The following TRHDE variants were observed in gnomAD, a reference collection of about 807,000 sequenced individuals.
The protein encoded by TRHDE is thyrotropin releasing hormone degrading enzyme, also known as thyrotropin-releasing hormone-degrading ectoenzyme.
Under a neutral mutation model 125.7 loss-of-function variants are expected in TRHDE, and 72 were observed. The observed-to-expected ratio is 0.57, with a 90% CI of 0.47 to 0.70. The LOEUF is 0.70. TRHDE is among the 30% of genes least tolerant of loss of function. TRHDE has a pLI of 0.00. For synonymous variants in TRHDE, 509 were observed against 509.1 expected (o/e 1.00, Z 0.00); for missense variants, 1,110 against 1,327.1 (o/e 0.84, Z 2.54).
intron 5 of TRHDE, among the ~76,000 whole-genome samples, chr12:72,476,618 TAAAGA>T (rs1283383825): frequency 2.0e-5 from 3 of 151,954 alleles, no homozygotes; most frequent in Non-Finnish European, 4.4e-5. Context: ...ATGTCAGGAG[TAAAGA>T]AATTCAGGAA....
At chr12:72,429,546 G>A (rs1592437970) in intron 3 of TRHDE, among the ~76,000 whole-genome samples, 1 of 151,914 alleles carries the variant, frequency 6.6e-6, no homozygotes, top group Non-Finnish European at 1.5e-5. Flanking sequence ...TCTATGGCTA[G>A]GGGTGGAATT....
intron 12 of TRHDE, among the ~76,000 whole-genome samples, chr12:72,587,305 T>G (rs1871480145): frequency 1.3e-5 from 2 of 152,138 alleles, no homozygotes; most frequent in Admixed American, 1.3e-4. Context: ...ATTGGTAGAT[T>G]ATCAGTTTTT....
intron 15 of TRHDE, among the ~76,000 whole-genome samples, chr12:72,631,642 A>G (rs1284650610): frequency 6.6e-6 from 1 of 151,990 alleles, no homozygotes; most frequent in Non-Finnish European, 1.5e-5. Context: ...ATTTTTTAAT[A>G]TGATGAATCA....
At chr12:72,319,736 C>A (rs547926621) in intron 2 of TRHDE, among the ~76,000 whole-genome samples, 2 of 152,222 alleles carry the variant, frequency 1.3e-5, no homozygotes, top group South Asian at 4.1e-4. Flanking sequence ...ATAATAAGAA[C>A]CATTGTTTAT....
At chr12:72,353,067 G>GT (rs1398982503) in intron 2 of TRHDE, among the ~76,000 whole-genome samples, 1 of 151,218 alleles carries the variant, frequency 6.6e-6, no homozygotes, top group African/African-American at 2.4e-5. Flanking sequence ...ACTAGGACTT[G>GT]TTTTTCCCCC....
At chr12:72,252,378 C>T (rs1395233491) in intron 2 of TRHDE, among the ~76,000 whole-genome samples, 2 of 152,102 alleles carry the variant, frequency 1.3e-5, no homozygotes, top group Non-Finnish European at 2.9e-5. Context: ...CAACTTGTTG[C>T]AAGGCTATCC....
intron 2 of TRHDE, among the ~76,000 whole-genome samples, chr12:72,371,347 A>T (rs1190841669): frequency 6.6e-6 from 1 of 150,744 alleles, no homozygotes; most frequent in Non-Finnish European, 1.5e-5. Context: ...AGGCAAACTG[A>T]ACAAAATATT....
At chr12:72,195,177 C>G (rs1350594641) in intron 2 of TRHDE, among the ~76,000 whole-genome samples, 1 of 152,060 alleles carries the variant, frequency 6.6e-6, no homozygotes, top group Non-Finnish European at 1.5e-5. Flanking sequence ...ACCACTCCCA[C>G]GATTCAATTA....
chr12:72,614,343 C>A (rs1265014903), intron 12 of TRHDE, among the ~76,000 whole-genome samples: 1 of 58,102 alleles, frequency 1.7e-5, no homozygotes, highest in African/African-American at 1.3e-4. Flanking sequence ...TTTTTTTTCT[C>A]TAGAAACTGA....
chr12:72,651,973 A>G (rs995004864), intron 15 of TRHDE, among the ~76,000 whole-genome samples: 14 of 152,084 alleles, frequency 9.2e-5, no homozygotes, highest in Admixed American at 2.6e-4. Flanking sequence ...ACCAATTATG[A>G]GAGCAAAATC....
At chr12:72,597,713 G>GTATATATATATATATA (rs762515309) in intron 12 of TRHDE, among the ~76,000 whole-genome samples, 10 of 18,478 alleles carry the variant, frequency 5.4e-4, no homozygotes, top group African/African-American at 1.0e-3. Flanking sequence ...GTGTGTGTAT[G>GTATATATATATATATA]TATATATATA....
intron 2 of TRHDE, among the ~76,000 whole-genome samples, chr12:72,108,576 A>G (rs2139293550): frequency 6.6e-6 from 1 of 152,242 alleles, no homozygotes; most frequent in African/African-American, 2.4e-5. Flanking sequence ...AGAAAGTTGC[A>G]TTAATGGAGG....
At chr12:72,610,258 A>C (rs1271164335) in intron 12 of TRHDE, among the ~76,000 whole-genome samples, 2 of 152,236 alleles carry the variant, frequency 1.3e-5, no homozygotes, top group Non-Finnish European at 2.9e-5. Flanking sequence ...TCTTCATAAG[A>C]AACTTTCTAA....
chr12:72,216,264 G>T (rs1522732), intron 2 of TRHDE, among the ~76,000 whole-genome samples: 43,371 of 152,036 alleles, frequency 0.29, 6,610 homozygotes, highest in African/African-American at 0.33. Context: ...TTCATGTGTA[G>T]TTACTAAAGC....
intron 2 of TRHDE, among the ~76,000 whole-genome samples, chr12:72,165,325 A>G (rs544672958): frequency 1.3e-5 from 2 of 152,332 alleles, no homozygotes; most frequent in East Asian, 1.9e-4. Flanking sequence ...AGCACATACC[A>G]TAAATCTTCC....
chr12:72,643,075 A>G (rs1874133559), intron 15 of TRHDE, among the ~76,000 whole-genome samples: 1 of 152,200 alleles, frequency 6.6e-6, no homozygotes, highest in South Asian at 2.1e-4. Flanking sequence ...TATAGGCATG[A>G]GTAAAAATGA....
chr12:72,458,865 G>C (rs1268795070), intron 3 of TRHDE, among the ~76,000 whole-genome samples: 1 of 152,042 alleles, frequency 6.6e-6, no homozygotes, highest in African/African-American at 2.4e-5. Flanking sequence ...GTCAATATTA[G>C]AGACTTCTTT....
At chr12:72,096,643 A>T (rs1874929682) in intron 1 of TRHDE, among the ~76,000 whole-genome samples, 1 of 152,212 alleles carries the variant, frequency 6.6e-6, no homozygotes, top group South Asian at 2.1e-4. Context: ...AGGTACTCCC[A>T]GGTCCTTTGC....
intron 3 of TRHDE, among the ~76,000 whole-genome samples, chr12:72,456,272 G>A (rs1023114321): frequency 6.6e-6 from 1 of 151,698 alleles, no homozygotes; most frequent in Admixed American, 6.6e-5. Context: ...AGGGTGGAAA[G>A]GTGGCCAGGC....
Sources: gnomAD v4.1 joint callset for allele counts (sites outside exome capture counted in the v4.1 genomes callset) on GRCh38, gnomAD v4.1.1 for gene constraint, MANE v1.5 for transcripts, NCBI Gene and HGNC (gene_info 2026-07-23, HGNC 2026-07-21) for gene names.